GRID2: variants seen among roughly 807,000 people sequenced by gnomAD.
The protein encoded by GRID2 is glutamate ionotropic receptor delta type subunit 2.
A neutral mutation model predicts 114.8 loss-of-function variants in GRID2; 33 were observed. That is an observed-to-expected ratio of 0.29 (90% CI 0.22 to 0.38). The LOEUF (loss-of-function observed/expected upper bound fraction) is 0.38. GRID2 is among the 10% of genes least tolerant of loss of function. GRID2 has a pLI of 1.00. For missense variants in GRID2, 1,184 were observed against 1,257.7 expected, an observed-to-expected ratio of 0.94 and a Z score of 0.89; for synonymous variants, 505 against 449.9, an observed-to-expected ratio of 1.12 and a Z score of -1.55.
intron 1 of GRID2, among the ~76,000 whole-genome samples, chr4:92,489,568 G>A (rs866656243): frequency 6.6e-6 from 1 of 152,034 alleles, no homozygotes; most frequent in Non-Finnish European, 1.5e-5. Context: ...AATAAGGGCC[G>A]GGCACGGTGG....
chr4:93,391,054 A>C (rs1448227771), intron 8 of GRID2, among the ~76,000 whole-genome samples: 1 of 152,162 alleles, frequency 6.6e-6, no homozygotes, highest in Non-Finnish European at 1.5e-5. Flanking sequence ...GCTATTCCAC[A>C]TAATCTCAAG....
chr4:92,713,511 ATATATATT>A (rs1187563834), intron 2 of GRID2, among the ~76,000 whole-genome samples: 3 of 125,774 alleles, frequency 2.4e-5, no homozygotes, highest in Non-Finnish European at 5.1e-5. Flanking sequence ...ATATATATAT[ATATATATT>A]ACCAAAATTA....
chr4:92,578,721 TATCTATCTATCA>T (rs1728025756), intron 1 of GRID2, among the ~76,000 whole-genome samples: 1 of 138,412 alleles, frequency 7.2e-6, no homozygotes, highest in Non-Finnish European at 1.6e-5. Flanking sequence ...TATCATTATC[TATCTATCTATCA>T]ATCTATCTAT....
intron 2 of GRID2, among the ~76,000 whole-genome samples, chr4:92,867,645 A>G (rs1179010045): frequency 1.3e-5 from 2 of 151,240 alleles, no homozygotes; most frequent in African/African-American, 4.9e-5. Flanking sequence ...GTAAAAGGCT[A>G]TCAGTAAAAT....
At chr4:93,738,474 A>G (rs1162364082) in intron 14 of GRID2, among the ~76,000 whole-genome samples, 5 of 152,152 alleles carry the variant, frequency 3.3e-5, no homozygotes, top group Admixed American at 2.6e-4. Context: ...ACCCAGAGCA[A>G]TGGCTGTGGA....
intron 2 of GRID2, among the ~76,000 whole-genome samples, chr4:92,762,186 T>G (rs1346128770): frequency 6.6e-6 from 1 of 152,118 alleles, no homozygotes; most frequent in Non-Finnish European, 1.5e-5. Context: ...GTGCTGAGAT[T>G]ACAGGCGTGA....
At chr4:93,107,300 A>G (rs933325642) in intron 3 of GRID2, among the ~76,000 whole-genome samples, 2 of 152,152 alleles carry the variant, frequency 1.3e-5, no homozygotes, top group African/African-American at 4.8e-5. Flanking sequence ...CCCTGTCTCA[A>G]AAATAAATAT....
chr4:93,718,888 GC>G (rs1313006582), intron 14 of GRID2, among the ~76,000 whole-genome samples: 1 of 152,068 alleles, frequency 6.6e-6, no homozygotes, highest in Non-Finnish European at 1.5e-5. Flanking sequence ...TCAATTTTCA[GC>G]CCCACTTATA....
intron 1 of GRID2, among the ~76,000 whole-genome samples, chr4:92,521,578 A>G (rs111952851): frequency 0.011 from 1,650 of 152,118 alleles, 26 homozygotes; most frequent in African/African-American, 0.038. Flanking sequence ...TATTGAATAC[A>G]TTCTATTTGA....
chr4:93,455,926 A>G lies in GRID2; in HGVS notation c.1810A>G (p.Thr604Ala), dbSNP rs370842331. 4 of 1,611,028 alleles carry G rather than the reference A, an allele frequency of 2.5e-6. No individual in the cohort carries two copies. Among genetic ancestry groups the G allele is most frequent in the Middle Eastern group, 1.7e-4 (1 of 6,054 alleles). Residue 604 changes from threonine (T) to alanine (A), a missense_variant, in exon 11 of 16, where the codon ACT becomes GCT. By Grantham distance (58) the Thr-to-Ala change is moderately conservative. Coordinates refer to ENST00000282020, the MANE Select transcript of GRID2 (RefSeq NM_001510.4). ...RLQMGSMTST[T>A]LYNSMWFVYG... ...ACAAATGGGATCAATGACGTCTACTACTCTCTACAACTCCATGTGGTTTGT... is the reference window on the plus strand; with the variant it reads ...ACAAATGGGATCAATGACGTCTACTGCTCTCTACAACTCCATGTGGTTTGT...
At chr4:93,149,517 A>C (rs1736551730) in intron 4 of GRID2, among the ~76,000 whole-genome samples, 2 of 151,904 alleles carry the variant, frequency 1.3e-5, no homozygotes, top group East Asian at 1.9e-4. Flanking sequence ...CAGAGATTGC[A>C]GTGAGCCAAG....
chr4:93,662,383 A>G (rs1370630084), intron 14 of GRID2, among the ~76,000 whole-genome samples: 1 of 152,182 alleles, frequency 6.6e-6, no homozygotes, highest in Non-Finnish European at 1.5e-5. Flanking sequence ...TTATGCAAAT[A>G]TTATGCAAAC....
At chr4:92,396,972 A>G (rs1414623334) in intron 1 of GRID2, among the ~76,000 whole-genome samples, 1 of 152,130 alleles carries the variant, frequency 6.6e-6, no homozygotes, top group Admixed American at 6.5e-5. Context: ...TTTGAAATAT[A>G]AAAATCAATT....
intron 2 of GRID2, among the ~76,000 whole-genome samples, chr4:92,914,578 G>A (rs1241385877): frequency 2.0e-5 from 3 of 151,806 alleles, no homozygotes; most frequent in African/African-American, 4.8e-5. Context: ...CCCACCCACC[G>A]CATTCTGATA....
chr4:93,292,009 A>C (rs1753809086), intron 8 of GRID2, among the ~76,000 whole-genome samples: 1 of 152,188 alleles, frequency 6.6e-6, no homozygotes, highest in Non-Finnish European at 1.5e-5. Flanking sequence ...TACTCATAAG[A>C]TGGTTGAAAT....
At chr4:93,747,713 C>A (rs952489423) in intron 14 of GRID2, among the ~76,000 whole-genome samples, 6 of 151,750 alleles carry the variant, frequency 4.0e-5, no homozygotes, top group Non-Finnish European at 8.8e-5. Context: ...AGTAAAATCA[C>A]ATACTAAAAA....
intron 2 of GRID2, among the ~76,000 whole-genome samples, chr4:92,759,167 A>G (rs1737867912): frequency 1.3e-5 from 2 of 152,216 alleles, no homozygotes; most frequent in African/African-American, 4.8e-5. Context: ...GTCACATCTC[A>G]AAATGTCATT....
chr4:92,954,434 T>A (rs1752243559), intron 2 of GRID2, among the ~76,000 whole-genome samples: 1 of 151,756 alleles, frequency 6.6e-6, no homozygotes, highest in African/African-American at 2.4e-5. Flanking sequence ...TTTTATTTTA[T>A]TTTATTTTTT....
chr4:92,568,667 A>C (rs1727468935), intron 1 of GRID2, among the ~76,000 whole-genome samples: 1 of 151,974 alleles, frequency 6.6e-6, no homozygotes, highest in Admixed American at 6.6e-5. Context: ...TTATTTCATT[A>C]CCCAGGTATT....
Sources: gnomAD v4.1 joint callset for allele counts (sites outside exome capture counted in the v4.1 genomes callset) on GRCh38, gnomAD v4.1.1 for gene constraint, MANE v1.5 for transcripts, NCBI Gene and HGNC (gene_info 2026-07-23, HGNC 2026-07-21) for gene names.